Variants in LDLRAD4 observed in about 807,000 individuals in gnomAD.
The protein encoded by LDLRAD4 is low density lipoprotein receptor class A domain containing 4.
A neutral mutation model predicts 17.0 loss-of-function variants in LDLRAD4; 5 were observed. The ratio of observed to expected loss-of-function variants is 0.29; its 90% confidence interval spans 0.15 to 0.62. The LOEUF (loss-of-function observed/expected upper bound fraction) is 0.62. Ranked by LOEUF, LDLRAD4 falls within the 20% of genes least tolerant of loss-of-function variation. LDLRAD4 has a pLI of 0.84. For missense variants in LDLRAD4, 340 were observed against 424.7 expected (o/e 0.80, Z 1.75); for synonymous variants, 168 against 171.8 (o/e 0.98, Z 0.17).
Position 13,410,098 on chromosome 18 carries a change from C to T in LDLRAD4, c.40+22336C>T, listed in dbSNP as rs188767660. On this transcript the variant is annotated intron_variant, in intron 2 of 5. Transcript: ENST00000359446. The stretch of plus-strand genomic sequence containing the variant: ...CACCGCACAGACCCAAATCGAAGGA[C>T]GTTCTGCAAAACACTGGACCAGCAG... Among the ~76,000 whole-genome samples the T allele has an allele frequency of 1.2e-4, 18 of 152,204 alleles. No individual in the cohort carries two copies. In the East Asian group the frequency reaches 2.3e-3, roughly 20 times the overall value.
At chr18:13,568,125 C>G (rs1021315794) in intron 3 of LDLRAD4, among the ~76,000 whole-genome samples, 1 of 152,108 alleles carries the variant, frequency 6.6e-6, no homozygotes, top group Non-Finnish European at 1.5e-5. Context: ...CGAAACCTGT[C>G]TCTACTAAAA....
Position 13,524,296 on chromosome 18 carries a change from T to C in LDLRAD4, c.181+85912T>C, listed in dbSNP as rs575925679. ...TCAGCACCCTCACTTTGATGTGTTA[T>C]ATTGACTGTATCTTGATGCTTCCTT... On this transcript the variant is annotated intron_variant, in intron 3 of 5. Transcript: ENST00000359446. Among the ~76,000 whole-genome samples, 17 of 152,400 alleles carry C rather than the reference T, an allele frequency of 1.1e-4. No homozygotes were observed. In the East Asian group the frequency reaches 1.2e-3, roughly 10 times the overall value.
Position 13,404,198 on chromosome 18 carries a change from G to A in LDLRAD4, c.40+16436G>A, listed in dbSNP as rs189394750. On this transcript the variant is annotated intron_variant, in intron 2 of 5. Transcript: ENST00000359446. ...TGGAGGATGGAACCCTTCCTTGAGC[G>A]TTGTTGAGGTGTGTCGGGGGTGCCG... Among the ~76,000 whole-genome samples the A allele has an allele frequency of 2.5e-3, 388 of 152,360 alleles. 2 individuals carry two copies. The highest frequency in any genetic ancestry group is 9.0e-3 in the African/African-American group (373 of 41,596).
At chr18:13,482,359 G>A (rs943226460) in intron 3 of LDLRAD4, among the ~76,000 whole-genome samples, 2 of 152,204 alleles carry the variant, frequency 1.3e-5, no homozygotes, top group South Asian at 4.1e-4. Context: ...TGCAGACCAC[G>A]CCATGTGCTT....
intron 3 of LDLRAD4, among the ~76,000 whole-genome samples, chr18:13,571,982 T>G (rs1336131788): frequency 6.6e-6 from 1 of 152,200 alleles, no homozygotes; most frequent in East Asian, 1.9e-4. Flanking sequence ...TGAAGAGTGT[T>G]CAGGATTCAT....
exon 6 of LDLRAD4, chr18:13,650,605 T>A: frequency 2.6e-6 from 1 of 379,442 alleles, no homozygotes; most frequent in Non-Finnish European, 4.7e-6. Context: ...TGGTGCTTTT[T>A]TCAGTTGTCT....
intron 1 of LDLRAD4, among the ~76,000 whole-genome samples, chr18:13,254,221 G>A (rs62097313): frequency 0.27 from 41,527 of 152,196 alleles, 6,615 homozygotes; most frequent in Admixed American, 0.41. Context: ...GGCACAGCCC[G>A]AGGCCCAGGG....
At chr18:13,592,999 T>A (rs2095047688) in intron 3 of LDLRAD4, among the ~76,000 whole-genome samples, 1 of 152,242 alleles carries the variant, frequency 6.6e-6, no homozygotes, top group Admixed American at 6.5e-5. Flanking sequence ...TAATATTGTT[T>A]TATATTTTTA....
At chr18:13,273,198 C>A (rs562180094), upstream of LDLRAD4, among the ~76,000 whole-genome samples, 1 of 151,984 alleles carries the variant, frequency 6.6e-6, no homozygotes, top group Admixed American at 6.6e-5. Context: ...GGGAAGGGTG[C>A]CTTTCTTTTC....
chr18:13,297,312 G>A (rs1232487614), intron 1 of LDLRAD4, among the ~76,000 whole-genome samples: 1 of 152,140 alleles, frequency 6.6e-6, no homozygotes, highest in East Asian at 1.9e-4. Context: ...GTGTTTTCTG[G>A]CCAGTAGAGT....
chr18:13,384,645 A>G (rs910241731), intron 1 of LDLRAD4, among the ~76,000 whole-genome samples: 1 of 152,154 alleles, frequency 6.6e-6, no homozygotes, highest in Admixed American at 6.5e-5. Flanking sequence ...GATTCCACCT[A>G]TAAGTGAGAT....
intron 3 of LDLRAD4, among the ~76,000 whole-genome samples, chr18:13,593,405 T>TGTCC (rs61436661): frequency 0.42 from 64,118 of 151,772 alleles, 14,252 homozygotes; most frequent in East Asian, 0.63. Context: ...TTTGTCTTCC[T>TGTCC]GTCCTTTCCT....
At chr18:13,553,823 C>A (rs1601337858) in intron 3 of LDLRAD4, among the ~76,000 whole-genome samples, 1 of 152,178 alleles carries the variant, frequency 6.6e-6, no homozygotes, top group East Asian at 1.9e-4. Context: ...ATGAAGCAAT[C>A]TGGATTGGCC....
At chr18:13,323,744 T>A (rs181291659) in intron 1 of LDLRAD4, among the ~76,000 whole-genome samples, 3 of 152,342 alleles carry the variant, frequency 2.0e-5, no homozygotes, top group African/African-American at 7.2e-5. Context: ...AAATGTTTGG[T>A]TAATCTATTC....
intron 3 of LDLRAD4, among the ~76,000 whole-genome samples, chr18:13,535,321 A>G (rs999825589): frequency 6.6e-6 from 1 of 152,226 alleles, no homozygotes; most frequent in African/African-American, 2.4e-5. Flanking sequence ...CCACATTCTC[A>G]TCAACACTTG....
intron 3 of LDLRAD4, among the ~76,000 whole-genome samples, chr18:13,507,223 A>G (rs1383264153): frequency 2.6e-5 from 4 of 152,074 alleles, no homozygotes; most frequent in African/African-American, 7.2e-5. Flanking sequence ...GGTTACATGG[A>G]TAAGTTCTTT....
At chr18:13,518,612 A>G (rs984027464) in intron 3 of LDLRAD4, among the ~76,000 whole-genome samples, 9 of 152,162 alleles carry the variant, frequency 5.9e-5, no homozygotes, top group Non-Finnish European at 1.0e-4. Flanking sequence ...TTCGTTTTTT[A>G]AAAGTGAGCT....
intron 1 of LDLRAD4, among the ~76,000 whole-genome samples, chr18:13,292,193 C>A (rs923381627): frequency 3.5e-4 from 53 of 152,158 alleles, no homozygotes; most frequent in Non-Finnish European, 2.9e-5. Context: ...AGATTACTCT[C>A]CTCATTCACT....
intron 3 of LDLRAD4, among the ~76,000 whole-genome samples, chr18:13,596,083 A>G (rs2095092124): frequency 6.6e-6 from 1 of 152,122 alleles, no homozygotes; most frequent in Admixed American, 6.5e-5. Context: ...GTAACTGTTC[A>G]TTCTTTCTGA....
Sources: allele counts gnomAD v4.1 joint callset (sites outside exome capture counted in the v4.1 genomes callset), GRCh38; gene constraint gnomAD v4.1.1; transcripts MANE v1.5; gene names NCBI Gene and HGNC (gene_info 2026-07-23, HGNC 2026-07-21).